The following ABCC12 variants were observed in gnomAD, a reference collection of about 807,000 sequenced individuals.
The protein encoded by ABCC12 is ATP-binding cassette sub-family C member 12.
ABCC12 carries 142 observed loss-of-function variants against 151.1 expected under a neutral mutation model. That is an observed-to-expected ratio of 0.94 (90% CI 0.82 to 1.08). The LOEUF is 1.08. Ranked by LOEUF, ABCC12 falls within the 50% of genes least tolerant of loss-of-function variation. ABCC12 has a pLI of 0.00. For synonymous variants in ABCC12, 645 were observed against 646.4 expected, an observed-to-expected ratio of 1.00 and a Z score of 0.03; for missense variants, 1,638 against 1,691.1, an observed-to-expected ratio of 0.97 and a Z score of 0.55.
intron 25 of ABCC12, among the ~76,000 whole-genome samples, chr16:48,089,989 G>T (rs962443687): frequency 6.6e-6 from 1 of 150,784 alleles, no homozygotes; most frequent in African/African-American, 2.5e-5. Context: ...GATCATTGAG[G>T]TACTTAAAAA....
chr16:48,091,358 G>A (rs1378998838), intron 24 of ABCC12, 149 bp from the exon 25 acceptor site: 2 of 693,722 alleles, frequency 2.9e-6, no homozygotes, highest in Admixed American at 2.2e-5. Flanking sequence ...CCAGCCAAGC[G>A]CCCAGAAGTA....
rs768398182 is a variant in ABCC12, at chr16:48,144,056, G to A, written c.129C>T (p.Pro43=). Residue 43 remains proline (P), a synonymous_variant, in exon 4 of 31, where the codon CCC becomes CCT. Coordinates refer to ENST00000311303, the MANE Select transcript of ABCC12 (RefSeq NM_001393797.1). ...IPVRPCARLA[P]NPVDDAGLLS... ...GTAGCCCGGCATCATCCACCGGGTT[G>A]GGTGCTAACCTGCAGACAAACAAGA... The A allele has an allele frequency of 6.2e-7, 1 of 1,613,764 alleles. No individual in the cohort carries two copies. The highest frequency in any genetic ancestry group is 1.7e-5 in the Admixed American group (1 of 59,990).
At chr16:48,148,520 G>A (rs1965072285) in intron 2 of ABCC12, among the ~76,000 whole-genome samples, 1 of 152,178 alleles carries the variant, frequency 6.6e-6, no homozygotes, top group Non-Finnish European at 1.5e-5. Flanking sequence ...TTACAGGCAT[G>A]AGCTACTGTG....
intron 22 of ABCC12, among the ~76,000 whole-genome samples, chr16:48,102,783 TCTC>T (rs1963352831): frequency 6.6e-6 from 1 of 152,106 alleles, no homozygotes; most frequent in Admixed American, 6.6e-5. Context: ...CCAAACCGCT[TCTC>T]CTCCTGCACC....
At position 48,124,301 on chromosome 16, in the gene ABCC12, G is replaced by C; in HGVS notation, c.1516-17C>G. On this transcript the variant is annotated splice_polypyrimidine_tract_variant and intron_variant, in intron 11 of 30. Transcript: ENST00000311303. ...GATCTTCCCCTGCCAGAGAAACAGAGATGGGACACAGTCACTCTCTCCCAC... is the reference window on the plus strand; with the variant it reads ...GATCTTCCCCTGCCAGAGAAACAGACATGGGACACAGTCACTCTCTCCCAC... The C allele has an allele frequency of 1.2e-6, 2 of 1,612,598 alleles. No homozygotes were observed. Among genetic ancestry groups the C allele is most frequent in the Non-Finnish European group, 1.7e-6 (2 of 1,178,642 alleles).
In ABCC12 at chr16:48,139,157, C is replaced by T. The variant is rs778472227; in HGVS notation, c.831+6G>A. 1.9e-6 allele frequency: 3 copies of T among 1,580,038 alleles called. No homozygotes were observed. The highest frequency in any genetic ancestry group is 1.9e-5 in the Admixed American group (1 of 51,604). On this transcript the variant is annotated splice_donor_region_variant and intron_variant, in intron 7 of 30. Transcript: ENST00000311303. Reference sequence around the variant, plus strand: ...AGCAGTTAGAAGCGCAAAAGCCTGCCGTTACCTGGACGGGTATGAATATGA... The same window carrying T: ...AGCAGTTAGAAGCGCAAAAGCCTGCTGTTACCTGGACGGGTATGAATATGA...
chr16:48,100,239 C>T (rs1041034678), intron 23 of ABCC12, among the ~76,000 whole-genome samples: 2 of 152,256 alleles, frequency 1.3e-5, no homozygotes, highest in African/African-American at 4.8e-5. Context: ...GAATTACAGG[C>T]GTGAGCCACC....
At chr16:48,108,410 A>T in intron 19 of ABCC12, 30 bp downstream of exon 19, 2 of 1,587,542 alleles carry the variant, frequency 1.3e-6, no homozygotes, top group Non-Finnish European at 1.7e-6. Flanking sequence ...ATGCAAATTA[A>T]ATCAAGAAAC....
intron 11 of ABCC12, among the ~76,000 whole-genome samples, chr16:48,124,730 C>T (rs1377908209): frequency 6.6e-6 from 1 of 152,214 alleles, no homozygotes; most frequent in Non-Finnish European, 1.5e-5. Flanking sequence ...TCTGGAATTA[C>T]TGAGAAGTTA....
intron 11 of ABCC12, among the ~76,000 whole-genome samples, chr16:48,127,132 T>A (rs1457475201): frequency 6.6e-6 from 1 of 152,098 alleles, no homozygotes; most frequent in Non-Finnish European, 1.5e-5. Flanking sequence ...CTATGAGAGG[T>A]ACCACTCTCA....
intron 23 of ABCC12, among the ~76,000 whole-genome samples, chr16:48,099,389 T>A (rs1366559528): frequency 6.6e-6 from 1 of 152,096 alleles, no homozygotes; most frequent in African/African-American, 2.4e-5. Context: ...AGAGCAAGAC[T>A]CTGTCTCAAA....
intron 14 of ABCC12, among the ~76,000 whole-genome samples, chr16:48,116,933 G>C (rs1963903034): frequency 6.6e-6 from 1 of 152,186 alleles, no homozygotes; most frequent in Non-Finnish European, 1.5e-5. Flanking sequence ...AGGCAAGAAG[G>C]GGCCCTGGTT....
chr16:48,107,570 G>A (rs539837522), intron 19 of ABCC12, 145 bp from the exon 20 acceptor site: 1 of 660,492 alleles, frequency 1.5e-6, no homozygotes, highest in African/African-American at 1.8e-5. Flanking sequence ...CTAGACTGAT[G>A]CAGCACATCT....
chr16:48,091,106 C>G lies in ABCC12; in HGVS notation c.3285+14G>C. On this transcript the variant is annotated intron_variant, in intron 25 of 30. Coordinates refer to ENST00000311303, the MANE Select transcript of ABCC12 (RefSeq NM_001393797.1). ...ATTAACTTGTCCCTCCTCTCTGATGCACTAATTTCTTACCGAAATGTATTC... is the reference window on the plus strand; with the variant it reads ...ATTAACTTGTCCCTCCTCTCTGATGGACTAATTTCTTACCGAAATGTATTC... The G allele has an allele frequency of 6.2e-7, 1 of 1,613,152 alleles. No individual in the cohort carries two copies.
intron 26 of ABCC12, 89 bp from the exon 27 acceptor site, chr16:48,088,174 C>T: frequency 7.1e-7 from 1 of 1,413,546 alleles, no homozygotes. Flanking sequence ...ATTTTTAATG[C>T]AATGCAAATG....
intron 2 of ABCC12, among the ~76,000 whole-genome samples, chr16:48,148,191 A>G (rs1020698198): frequency 6.7e-6 from 1 of 149,616 alleles, no homozygotes; most frequent in African/African-American, 2.5e-5. Context: ...CAGGTAATCC[A>G]CCTGTCTCAG....
At chr16:48,130,687 G>A (rs927872260) in intron 10 of ABCC12, 101 bp downstream of exon 10, 37 of 872,350 alleles carry the variant, frequency 4.2e-5, no homozygotes, top group Admixed American at 4.0e-4. Context: ...CTCAACAAGC[G>A]ACCCAGCTCT....
At position 48,141,007 on chromosome 16, in the gene ABCC12, T is replaced by C. The variant is rs955012327; in HGVS notation, c.424-87A>G. On this transcript the variant is annotated intron_variant, in intron 5 of 30. Coordinates refer to ENST00000311303, the MANE Select transcript of ABCC12 (RefSeq NM_001393797.1). ...CCTCAGATCATGCCAGCAAGCTGAC[T>C]TTAAGAGGCAAACTTTTTAATTAAT... is the stretch of plus-strand genomic sequence containing the variant. The C allele has an allele frequency of 3.1e-4, 439 of 1,434,932 alleles. 1 individual carries two copies. Among genetic ancestry groups the C allele is most frequent in the Non-Finnish European group, 3.9e-4 (409 of 1,051,326 alleles). The allele number at this position is 1,434,932 out of a possible 1,614,324, so 88.9% of individuals were successfully genotyped here. A position where few individuals can be genotyped will look rare whatever the true frequency, so the allele number is the denominator to read the frequency against.
At chr16:48,114,248 G>A (rs902839323) in intron 15 of ABCC12, among the ~76,000 whole-genome samples, 1 of 152,180 alleles carries the variant, frequency 6.6e-6, no homozygotes, top group South Asian at 2.1e-4. Context: ...GGGCAAAGGT[G>A]AGCTCAGGCT....
Sources: allele counts gnomAD v4.1 joint callset (sites outside exome capture counted in the v4.1 genomes callset), GRCh38; gene constraint gnomAD v4.1.1; transcripts MANE v1.5; gene names NCBI Gene and HGNC (gene_info 2026-07-23, HGNC 2026-07-21).